DNM1L: variants seen among roughly 807,000 people sequenced by gnomAD.
DNM1L encodes dynamin-1-like protein.
DNM1L carries 33 observed loss-of-function variants against 92.8 expected under a neutral mutation model. The observed-to-expected ratio is 0.36, with a 90% CI of 0.27 to 0.48. The LOEUF is 0.48. Ranked by LOEUF, DNM1L falls within the 20% of genes least tolerant of loss-of-function variation. The pLI is 0.99. For missense variants in DNM1L, 485 were observed against 888.8 expected (o/e 0.55, Z 5.78); for synonymous variants, 284 against 305.0 (o/e 0.93, Z 0.72).
chr12:32,719,173 C>G, intron 7 of DNM1L, among the ~76,000 whole-genome samples: 1 of 152,128 alleles, frequency 6.6e-6, no homozygotes, highest in East Asian at 1.9e-4. Flanking sequence ...CTTGTCTCGA[C>G]TTCCTGGGCT....
At chr12:32,717,932 A>ATATATACTATATATAG (rs1953585802) in intron 6 of DNM1L, among the ~76,000 whole-genome samples, 1 of 81,592 alleles carries the variant, frequency 1.2e-5, no homozygotes, top group Non-Finnish European at 2.3e-5. Flanking sequence ...TATATATTTT[A>ATATATACTATATATAG]TATATATATA....
intron 1 of DNM1L, among the ~76,000 whole-genome samples, chr12:32,695,942 A>G (rs1225552607): frequency 6.6e-6 from 1 of 152,226 alleles, no homozygotes; most frequent in Non-Finnish European, 1.5e-5. Flanking sequence ...AGAATTTTGT[A>G]GAAATTGACA....
intron 2 of DNM1L, among the ~76,000 whole-genome samples, chr12:32,702,580 T>C (rs115278530): frequency 0.01 from 1,553 of 152,290 alleles, 34 homozygotes; most frequent in African/African-American, 0.034. Flanking sequence ...CTACTTCTTA[T>C]TCTGATTTAA....
intron 15 of DNM1L, 26 bp from the exon 16 acceptor site, chr12:32,738,238 G>C (rs1955038579): frequency 1.9e-6 from 3 of 1,612,072 alleles, no homozygotes; most frequent in Non-Finnish European, 2.5e-6. Context: ...TTGTTAAATT[G>C]CATGTTTTAA....
Position 32,729,706 on chromosome 12 carries a change from C to T in DNM1L, c.1080-1308C>T, listed in dbSNP as rs561705224. Among the ~76,000 whole-genome samples, 3 of 152,182 alleles carry T rather than the reference C, an allele frequency of 2.0e-5. No homozygotes were observed. The East Asian group carries it at 5.8e-4, about 30-fold the overall frequency. Reference sequence around the variant, plus strand: ...AACTCCTGACCTCAGGTGATCTGCCCACCTCAGCCTTCCAAAGTGTTGGGA... The same window carrying T: ...AACTCCTGACCTCAGGTGATCTGCCTACCTCAGCCTTCCAAAGTGTTGGGA... On this transcript the variant is annotated intron_variant, in intron 9 of 19. Coordinates refer to ENST00000549701, the MANE Select transcript of DNM1L (RefSeq NM_012062.5).
intron 1 of DNM1L, chr12:32,679,945 A>G (rs1592549727): frequency 1.0e-6 from 1 of 985,258 alleles, no homozygotes; most frequent in Non-Finnish European, 1.2e-6. Flanking sequence ...GGGACTGCGG[A>G]GTTAGTTTTG....
Position 32,717,407 on chromosome 12 carries a change from A to C in DNM1L, c.620-1236A>C, listed in dbSNP as rs1335056672. 1.2e-3 allele frequency among the ~76,000 whole-genome samples: 53 copies of C among 43,448 alleles called. 1 individual carries two copies. Among genetic ancestry groups the C allele is most frequent in the South Asian group, 6.0e-3 (15 of 2,514 alleles). 28.5% of individuals were successfully genotyped at this position (43,448 alleles called of 152,430 possible). A position where few individuals can be genotyped will look rare whatever the true frequency, so the allele number is the denominator to read the frequency against. Reference sequence around the variant, plus strand: ...TAATATATAGTATATATAATATATAATATATATTTTAAATATATACTATAT... The same window carrying C: ...TAATATATAGTATATATAATATATACTATATATTTTAAATATATACTATAT... On this transcript the variant is annotated intron_variant, in intron 6 of 19. Transcript: ENST00000549701.
intron 16 of DNM1L, among the ~76,000 whole-genome samples, chr12:32,739,339 T>C (rs545161825): frequency 9.2e-4 from 140 of 152,358 alleles, no homozygotes; most frequent in African/African-American, 3.3e-3. Flanking sequence ...TTTTGACTTT[T>C]AGAAGTCAAG....
At chr12:32,723,885 G>A (rs1953937298) in intron 9 of DNM1L, among the ~76,000 whole-genome samples, 1 of 152,080 alleles carries the variant, frequency 6.6e-6, no homozygotes, top group Non-Finnish European at 1.5e-5. Flanking sequence ...AATCTCAGGA[G>A]AGGAATGGAT....
intron 19 of DNM1L, among the ~76,000 whole-genome samples, chr12:32,743,132 T>C (rs956502159): frequency 6.6e-6 from 1 of 151,692 alleles, no homozygotes; most frequent in Non-Finnish European, 1.5e-5. Flanking sequence ...CCTGACCTCA[T>C]GATCCGCCCG....
Position 32,730,805 on chromosome 12 carries a change from T to G in DNM1L, c.1080-209T>G, listed in dbSNP as rs924494188. ...TTTATTATATTTACATATATATAAT[T>G]TAATGATTCCTTTTCCCCTTTAAAA... On this transcript the variant is annotated intron_variant, in intron 9 of 19. Coordinates refer to ENST00000549701, the MANE Select transcript of DNM1L (RefSeq NM_012062.5). Among the ~76,000 whole-genome samples, 4 of 152,306 alleles carry G rather than the reference T, an allele frequency of 2.6e-5. No individual in the cohort carries two copies. The East Asian group carries it at 7.7e-4, about 29-fold the overall frequency.
chr12:32,687,689 A>G (rs1219834282), intron 1 of DNM1L, among the ~76,000 whole-genome samples: 1 of 151,924 alleles, frequency 6.6e-6, no homozygotes, highest in Non-Finnish European at 1.5e-5. Flanking sequence ...ACCTCAGGTG[A>G]TCCATCCACC....
At position 32,744,385 on chromosome 12, in the gene DNM1L, T is replaced by TTAGAA; in HGVS notation, c.*979_*983dup. On this transcript the variant is annotated 3_prime_UTR_variant, in exon 20 of 20. Transcript: ENST00000549701. ...GCTTCATACCAACAAAATATATTTATTAGAATAGTATGAAAGTACTGGAGG... is the reference window on the plus strand; with the variant it reads ...GCTTCATACCAACAAAATATATTTATTAGAATAGAATAGTATGAAAGTACTGGAGG... 1 of 157,044 alleles carries TTAGAA rather than the reference T, an allele frequency of 6.4e-6. No homozygotes were observed. Among genetic ancestry groups the TTAGAA allele is most frequent in the African/African-American group, 2.4e-5 (1 of 41,458 alleles). The allele number at this position is 157,044 out of a possible 1,614,324, so 9.7% of individuals were successfully genotyped here. A position where few individuals can be genotyped will look rare whatever the true frequency, so the allele number is the denominator to read the frequency against.
intron 1 of DNM1L, among the ~76,000 whole-genome samples, chr12:32,684,189 G>A (rs1401839694): frequency 2.0e-5 from 3 of 152,078 alleles, no homozygotes; most frequent in East Asian, 1.9e-4. Flanking sequence ...AGTCACCCCC[G>A]TTTTGTCCTC....
intron 12 of DNM1L, chr12:32,732,742 G>A (rs1592667020): frequency 8.4e-6 from 3 of 357,948 alleles, no homozygotes; most frequent in South Asian, 4.4e-5. Context: ...GGACTGATAA[G>A]TGCTGTTCTG....
intron 19 of DNM1L, among the ~76,000 whole-genome samples, 176 bp from the exon 20 acceptor site, chr12:32,743,178 A>G (rs980125105): frequency 2.0e-5 from 3 of 152,072 alleles, no homozygotes; most frequent in African/African-American, 7.2e-5. Context: ...TACAGGCATG[A>G]GCCACTGCGC....
chr12:32,694,553 A>C (rs936631204), intron 1 of DNM1L, among the ~76,000 whole-genome samples: 2 of 152,330 alleles, frequency 1.3e-5, no homozygotes, highest in Non-Finnish European at 2.9e-5. Flanking sequence ...AAGACTAAAC[A>C]TTAGTCTTGA....
intron 1 of DNM1L, 124 bp from the exon 2 acceptor site, chr12:32,701,291 A>T: frequency 2.4e-6 from 2 of 848,314 alleles, no homozygotes; most frequent in Non-Finnish European, 3.6e-6. Flanking sequence ...AAAAAAAAAA[A>T]TAGTCTCTGC....
intron 6 of DNM1L, among the ~76,000 whole-genome samples, chr12:32,714,226 C>T (rs959202442): frequency 6.6e-6 from 1 of 151,136 alleles, no homozygotes; most frequent in African/African-American, 2.4e-5. Context: ...GCTAAGACTG[C>T]CAATCTGCCA....
Sources: allele counts gnomAD v4.1 joint callset (sites outside exome capture counted in the v4.1 genomes callset), GRCh38; gene constraint gnomAD v4.1.1; transcripts MANE v1.5; gene names NCBI Gene and HGNC (gene_info 2026-07-23, HGNC 2026-07-21).